GDAP2: variants seen among roughly 807,000 people sequenced by gnomAD.
GDAP2 encodes ganglioside induced differentiation associated protein 2.
GDAP2 carries 51 observed loss-of-function variants against 67.0 expected under a neutral mutation model. The ratio of observed to expected loss-of-function variants is 0.76; its 90% CI spans 0.61 to 0.96. The LOEUF is 0.96. GDAP2 is among the 40% of genes least tolerant of loss of function. The probability of loss-of-function intolerance (pLI) is 0.00; values close to 1 mark genes in which losing one functional copy is unlikely to be tolerated. For synonymous variants in GDAP2, 203 were observed against 207.3 expected (o/e 0.98, Z 0.18); for missense variants, 547 against 588.3 (o/e 0.93, Z 0.73).
At chr1:117,903,573 T>C (rs1450089302) in intron 6 of GDAP2, among the ~76,000 whole-genome samples, 2 of 151,870 alleles carry the variant, frequency 1.3e-5, no homozygotes, top group Non-Finnish European at 2.9e-5. Context: ...ATATATTACA[T>C]TGATTCAGAT....
chr1:117,883,641 G>A lies in GDAP2; in HGVS notation c.1108-14C>T. Reference sequence around the variant, plus strand: ...ATATAAGAGAGCCTAAAAGATAAAAGGGGAATAAAGGTGAAGATCATTTTG... The same window carrying A: ...ATATAAGAGAGCCTAAAAGATAAAAAGGGAATAAAGGTGAAGATCATTTTG... On this transcript the variant is annotated splice_polypyrimidine_tract_variant and intron_variant, in intron 10 of 13. Coordinates refer to ENST00000369443, the MANE Select transcript of GDAP2 (RefSeq NM_017686.4). 6.3e-7 allele frequency: 1 copy of A among 1,579,378 alleles called. No individual in the cohort carries two copies. Among genetic ancestry groups the A allele is most frequent in the Non-Finnish European group, 8.7e-7 (1 of 1,153,164 alleles).
At chr1:117,914,852 T>A (rs1649995697) in intron 3 of GDAP2, among the ~76,000 whole-genome samples, 1 of 152,090 alleles carries the variant, frequency 6.6e-6, no homozygotes, top group African/African-American at 2.4e-5. Flanking sequence ...GGAAGTAAAA[T>A]CTCAGTAGTT....
chr1:117,877,829 AC>A (rs2101118819), intron 13 of GDAP2, 179 bp downstream of exon 13: 1 of 1,268,466 alleles, frequency 7.9e-7, no homozygotes, highest in Admixed American at 4.0e-5. Flanking sequence ...CTCTCTTGGG[AC>A]AAATCCTTTT....
At chr1:117,894,159 A>G (rs1276811398) in intron 8 of GDAP2, among the ~76,000 whole-genome samples, 4 of 147,826 alleles carry the variant, frequency 2.7e-5, no homozygotes, top group Admixed American at 1.3e-4. Context: ...TTTTTTTTTG[A>G]GACAGGGTCT....
At chr1:117,879,531 C>T (rs115708405) in intron 12 of GDAP2, among the ~76,000 whole-genome samples, 1 of 152,080 alleles carries the variant, frequency 6.6e-6, no homozygotes, top group Non-Finnish European at 1.5e-5. Context: ...ATTTACTGAG[C>T]ACTTATTATA....
At chr1:117,896,702 T>G in intron 8 of GDAP2, 131 bp downstream of exon 8, 1 of 602,022 alleles carries the variant, frequency 1.7e-6, no homozygotes, top group Non-Finnish European at 2.7e-6. Flanking sequence ...GGACGATATC[T>G]TCCTCACTGA....
chr1:117,883,711 C>A lies in GDAP2; in HGVS notation c.1108-84G>T. The A allele has an allele frequency of 1.0e-6, 1 of 959,716 alleles. No individual in the cohort carries two copies. The highest frequency in any genetic ancestry group is 1.6e-6 in the Non-Finnish European group (1 of 642,560). 59.5% of individuals were successfully genotyped at this position (959,716 alleles called of 1,614,324 possible). A position where few individuals can be genotyped will look rare whatever the true frequency, so the allele number is the denominator to read the frequency against. On this transcript the variant is annotated intron_variant, in intron 10 of 13. Coordinates refer to ENST00000369443, the MANE Select transcript of GDAP2 (RefSeq NM_017686.4). ...GAGACCAAGAAAAAACAAAACAAAACAAAATAGAAAATTAACCTACTCTAT... is the reference window on the plus strand; with the variant it reads ...GAGACCAAGAAAAAACAAAACAAAAAAAAATAGAAAATTAACCTACTCTAT...
chr1:117,887,772 TA>T lies in GDAP2; in HGVS notation c.955del (p.Tyr319IlefsTer19). The part of the protein sequence containing the change: ...AALQKQHQRN[Y>X]NRWLCQARSE... ...TCTTGCTTGACATAACCAGCGATTA[TA>T]ACTAGGGAAATAAATGATATAATCA... On this transcript the variant is annotated frameshift_variant and splice_region_variant, in exon 9 of 14. Coordinates refer to ENST00000369443, the MANE Select transcript of GDAP2 (RefSeq NM_017686.4). LOFTEE classifies it high-confidence loss of function. 1 of 1,520,302 alleles carries T rather than the reference TA, an allele frequency of 6.6e-7. No individual in the cohort carries two copies. Among genetic ancestry groups the T allele is most frequent in the Non-Finnish European group, 9.1e-7 (1 of 1,096,136 alleles). 94.2% of individuals were successfully genotyped at this position (1,520,302 alleles called of 1,614,324 possible).
intron 7 of GDAP2, among the ~76,000 whole-genome samples, chr1:117,898,665 AAATG>A (rs1257958686): frequency 1.3e-5 from 2 of 152,202 alleles, no homozygotes; most frequent in Non-Finnish European, 2.9e-5. Flanking sequence ...CAAAGAAACA[AAATG>A]AATGGTTATA....
chr1:117,912,947 T>C (rs1380393280), intron 3 of GDAP2, among the ~76,000 whole-genome samples: 1 of 152,186 alleles, frequency 6.6e-6, no homozygotes, highest in Admixed American at 6.5e-5. Context: ...GAAGGTAGAA[T>C]GTCAACTGAC....
intron 1 of GDAP2, among the ~76,000 whole-genome samples, chr1:117,923,957 T>C (rs1159263549): frequency 1.3e-5 from 2 of 152,246 alleles, no homozygotes; most frequent in East Asian, 1.9e-4. Context: ...GCTGAAACTG[T>C]AGTGTCCCAC....
In GDAP2 at chr1:117,896,978, C is replaced by T. The variant is rs1483634522; in HGVS notation, c.808G>A (p.Glu270Lys). 6.2e-7 allele frequency: 1 copy of T among 1,601,864 alleles called. No individual in the cohort carries two copies. The highest frequency in any genetic ancestry group is 1.3e-5 in the African/African-American group (1 of 74,240). ...KPGAPEDNQE[E>K]EDEGLGVDLS... ...TCAACTCCCAAGCCTTCATCCTCCT[C>T]TTCTTGGTTATCTGTAACAAAAATG... Residue 270 changes from glutamate to lysine, a missense_variant, in exon 8 of 14, where the codon GAG becomes AAG. By Grantham distance (56) the Glu-to-Lys change is moderately conservative (BLOSUM62 1). Coordinates refer to ENST00000369443, the MANE Select transcript of GDAP2 (RefSeq NM_017686.4).
intron 10 of GDAP2, among the ~76,000 whole-genome samples, chr1:117,884,780 C>A (rs1324859158): frequency 6.6e-6 from 1 of 151,558 alleles, no homozygotes; most frequent in Non-Finnish European, 1.5e-5. Flanking sequence ...CAGAAACTTA[C>A]TAACGGTATA....
At chr1:117,877,333 A>G (rs751443183) in intron 13 of GDAP2, 31 of 975,898 alleles carry the variant, frequency 3.2e-5, no homozygotes, top group Non-Finnish European at 3.8e-5. Context: ...TTCATACAAT[A>G]TAAAGATAAG....
intron 6 of GDAP2, among the ~76,000 whole-genome samples, chr1:117,904,415 CATCTTTT>C (rs1649585152): frequency 6.6e-6 from 1 of 152,178 alleles, no homozygotes; most frequent in Middle Eastern, 3.2e-3. Flanking sequence ...AGTATTCTTT[CATCTTTT>C]ATGTTTGTGC....
Position 117,896,990 on chromosome 1 carries a change from C to G in GDAP2, c.797-1G>C, listed in dbSNP as rs1258719166. 9.4e-6 allele frequency: 15 copies of G among 1,594,236 alleles called. No individual in the cohort carries two copies. Among genetic ancestry groups the G allele is most frequent in the Non-Finnish European group, 1.3e-5 (15 of 1,169,382 alleles). On this transcript the variant is annotated splice_acceptor_variant, in intron 7 of 13. Coordinates refer to ENST00000369443, the MANE Select transcript of GDAP2 (RefSeq NM_017686.4). LOFTEE classifies it high-confidence loss of function. ...CCTTCATCCTCCTCTTCTTGGTTATCTGTAACAAAAATGCAACTATCAATA... is the reference window on the plus strand; with the variant it reads ...CCTTCATCCTCCTCTTCTTGGTTATGTGTAACAAAAATGCAACTATCAATA...
chr1:117,881,186 C>G (rs1338949127), intron 12 of GDAP2, among the ~76,000 whole-genome samples: 1 of 152,110 alleles, frequency 6.6e-6, no homozygotes, highest in East Asian at 1.9e-4. Context: ...GATGAAATGT[C>G]AGTTTTTAGC....
Position 117,920,474 on chromosome 1 carries a change from T to C in GDAP2, c.-67-50A>G, listed in dbSNP as rs1650213999. ...TTTAATAGAGAAGCACAGATATTAC[T>C]TGAATTCTATTAAAGCAGTAAACAA... On this transcript the variant is annotated intron_variant, in intron 1 of 13. Transcript: ENST00000369443. The C allele has an allele frequency of 1.6e-5, 10 of 616,480 alleles. No individual in the cohort carries two copies. The South Asian group carries it at 1.9e-4, about 12-fold the overall frequency. The allele number at this position is 616,480 out of a possible 1,614,324, so 38.2% of individuals were successfully genotyped here. A position where few individuals can be genotyped will look rare whatever the true frequency, so the allele number is the denominator to read the frequency against.
At chr1:117,870,841 A>G (rs989162688) in intron 13 of GDAP2, among the ~76,000 whole-genome samples, 1 of 152,144 alleles carries the variant, frequency 6.6e-6, no homozygotes, top group Non-Finnish European at 1.5e-5. Flanking sequence ...AATACCACTT[A>G]TTGAATATTT....
Sources: allele counts gnomAD v4.1 joint callset (sites outside exome capture counted in the v4.1 genomes callset), GRCh38; gene constraint gnomAD v4.1.1; transcripts MANE v1.5; gene names NCBI Gene and HGNC (gene_info 2026-07-23, HGNC 2026-07-21).